Variants in GRID2 observed in about 807,000 individuals in gnomAD.
GRID2 encodes glutamate ionotropic receptor delta type subunit 2.
Under a neutral mutation model 114.8 loss-of-function variants are expected in GRID2, and 33 were observed. The observed-to-expected ratio is 0.29, with a 90% CI of 0.22 to 0.38. The LOEUF is 0.38. Ranked by LOEUF, GRID2 falls within the 10% of genes least tolerant of loss-of-function variation. The probability of loss-of-function intolerance (pLI) is 1.00; values close to 1 mark genes in which losing one functional copy is unlikely to be tolerated. For missense variants in GRID2, 1,184 were observed against 1,257.7 expected, an observed-to-expected ratio of 0.94 and a Z score of 0.89; for synonymous variants, 505 against 449.9, an observed-to-expected ratio of 1.12 and a Z score of -1.55.
chr4:93,415,222 T>A (rs1458207379), intron 9 of GRID2, among the ~76,000 whole-genome samples: 3 of 152,130 alleles, frequency 2.0e-5, no homozygotes, highest in African/African-American at 7.2e-5. Flanking sequence ...ACAGCTGCAA[T>A]ATGTTATATC....
intron 2 of GRID2, among the ~76,000 whole-genome samples, chr4:92,596,540 A>G (rs1467913884): frequency 6.6e-6 from 1 of 152,040 alleles, no homozygotes; most frequent in Non-Finnish European, 1.5e-5. Context: ...CAAAACCTGT[A>G]TTACTTTTTC....
chr4:93,135,215 T>A (rs1363034918), intron 4 of GRID2, among the ~76,000 whole-genome samples: 1 of 152,184 alleles, frequency 6.6e-6, no homozygotes, highest in East Asian at 1.9e-4. Context: ...GCTTTTAATA[T>A]TCCTGAACAA....
chr4:93,435,662 T>A (rs1259806991), intron 10 of GRID2, among the ~76,000 whole-genome samples: 1 of 152,218 alleles, frequency 6.6e-6, no homozygotes, highest in Non-Finnish European at 1.5e-5. Context: ...AGATAGTTAA[T>A]ATGCCCATTA....
intron 9 of GRID2, among the ~76,000 whole-genome samples, chr4:93,407,676 AT>A (rs34308935): frequency 7.9e-4 from 111 of 140,196 alleles, no homozygotes; most frequent in Non-Finnish European, 9.2e-4. Flanking sequence ...ATTTTTCAGA[AT>A]TTTTTTTTTT....
intron 8 of GRID2, among the ~76,000 whole-genome samples, chr4:93,352,415 CA>C (rs1351994669): frequency 6.6e-6 from 1 of 151,976 alleles, no homozygotes; most frequent in Non-Finnish European, 1.5e-5. Context: ...AAGCAGTACA[CA>C]GAGTCAGAAA....
chr4:92,793,100 C>G (rs1434775789), intron 2 of GRID2, among the ~76,000 whole-genome samples: 3 of 151,794 alleles, frequency 2.0e-5, no homozygotes, highest in Non-Finnish European at 4.4e-5. Context: ...CATTTATGCA[C>G]CAGTTCCATA....
At chr4:93,081,282 G>T (rs1281510468) in intron 2 of GRID2, among the ~76,000 whole-genome samples, 1 of 152,090 alleles carries the variant, frequency 6.6e-6, no homozygotes, top group Non-Finnish European at 1.5e-5. Context: ...ATTTCACTGA[G>T]TTCTCATTTT....
At chr4:92,452,083 T>C (rs1310630779) in intron 1 of GRID2, among the ~76,000 whole-genome samples, 1 of 152,184 alleles carries the variant, frequency 6.6e-6, no homozygotes, top group Non-Finnish European at 1.5e-5. Context: ...GCCAAGGATG[T>C]ATAAGTGTAA....
chr4:93,191,099 A>C (rs1234237170), intron 4 of GRID2, among the ~76,000 whole-genome samples: 1 of 152,100 alleles, frequency 6.6e-6, no homozygotes, highest in Non-Finnish European at 1.5e-5. Context: ...AATAGTGTAC[A>C]TGCAAAATAA....
chr4:93,572,390 A>C (rs1185804911), intron 13 of GRID2, among the ~76,000 whole-genome samples: 2 of 152,114 alleles, frequency 1.3e-5, no homozygotes, highest in African/African-American at 4.8e-5. Context: ...TTCCATTATG[A>C]GCATTTCAGG....
intron 1 of GRID2, among the ~76,000 whole-genome samples, chr4:93,799,157 G>A (rs1379547225): frequency 6.6e-6 from 1 of 152,254 alleles, no homozygotes; most frequent in East Asian, 1.9e-4. Flanking sequence ...CAGTATTATT[G>A]TGGCTAGAAA....
intron 1 of GRID2, among the ~76,000 whole-genome samples, chr4:92,430,918 ATATACATATGCTGC>A (rs1732407796): frequency 6.6e-6 from 1 of 152,116 alleles, no homozygotes; most frequent in South Asian, 2.1e-4. Flanking sequence ...TGCTGTTGGT[ATATACATATGCTGC>A]TGAATTTTGT....
At chr4:93,464,114 G>A (rs1054179626) in intron 11 of GRID2, among the ~76,000 whole-genome samples, 1 of 152,132 alleles carries the variant, frequency 6.6e-6, no homozygotes, top group Non-Finnish European at 1.5e-5. Context: ...AGTAAAAATG[G>A]GAACAAACAT....
At chr4:92,696,240 G>C (rs1734419146) in intron 2 of GRID2, among the ~76,000 whole-genome samples, 1 of 151,992 alleles carries the variant, frequency 6.6e-6, no homozygotes, top group Non-Finnish European at 1.5e-5. Context: ...CAGAGCCTTG[G>C]AGCATAATAT....
At chr4:93,520,957 A>AG (rs1258637864) in intron 13 of GRID2, among the ~76,000 whole-genome samples, 9 of 152,128 alleles carry the variant, frequency 5.9e-5, no homozygotes, top group Non-Finnish European at 1.3e-4. Context: ...CTTAGTGAGG[A>AG]GGCCACTGTA....
At chr4:92,427,496 T>C (rs1732217340) in intron 1 of GRID2, among the ~76,000 whole-genome samples, 1 of 152,186 alleles carries the variant, frequency 6.6e-6, no homozygotes, top group Admixed American at 6.6e-5. Flanking sequence ...TCAGATGTTA[T>C]ATAGAAAAAT....
chr4:92,806,651 A>G (rs1740429166), intron 2 of GRID2, among the ~76,000 whole-genome samples: 1 of 151,932 alleles, frequency 6.6e-6, no homozygotes, highest in African/African-American at 2.4e-5. Flanking sequence ...ATAATCTAAG[A>G]TATTAATAAT....
At chr4:93,779,244 GAACTTT>G (rs1161847481), downstream of GRID2, among the ~76,000 whole-genome samples, 2 of 150,850 alleles carry the variant, frequency 1.3e-5, no homozygotes, top group Admixed American at 1.3e-4. Context: ...ACCTATACAG[GAACTTT>G]AGCAAGGCTT....
chr4:92,955,434 A>G (rs1177587081), intron 2 of GRID2, among the ~76,000 whole-genome samples: 3 of 151,972 alleles, frequency 2.0e-5, no homozygotes, highest in Non-Finnish European at 2.9e-5. Context: ...GTGTCTGTTC[A>G]TGTCCTTTGC....
Sources: gnomAD v4.1 joint callset for allele counts (sites outside exome capture counted in the v4.1 genomes callset) on GRCh38, gnomAD v4.1.1 for gene constraint, MANE v1.5 for transcripts, NCBI Gene and HGNC (gene_info 2026-07-23, HGNC 2026-07-21) for gene names.